The following DGCR8 variants were observed in gnomAD, a reference collection of about 807,000 sequenced individuals.
DGCR8 encodes the protein microprocessor complex subunit DGCR8.
In DGCR8, 14 loss-of-function variants were observed where a neutral mutation model predicts 78.5. The ratio of observed to expected loss-of-function variants is 0.18; its 90% CI spans 0.12 to 0.28. DGCR8 has a LOEUF of 0.28. Ranked by LOEUF, DGCR8 falls within the 10% of genes least tolerant of loss-of-function variation. DGCR8 has a pLI of 1.00. For synonymous variants in DGCR8, 399 were observed against 402.4 expected, an observed-to-expected ratio of 0.99 and a Z score of 0.10; for missense variants, 702 against 1,022.5, an observed-to-expected ratio of 0.69 and a Z score of 4.28.
chr22:20,098,880 G>T (rs2049662229), intron 9 of DGCR8, among the ~76,000 whole-genome samples: 2 of 152,196 alleles, frequency 1.3e-5, no homozygotes, highest in African/African-American at 2.4e-5. Flanking sequence ...TCCAAATACT[G>T]TTGCATTCTG....
Position 20,089,598 on chromosome 22 carries a change from C to T in DGCR8, c.881-71C>T, listed in dbSNP as rs1347879617. Reference sequence around the variant, plus strand: ...TGCTAGTACCCAACAATTTCTTGTGCAGGAGGTGCTGTGGCAACAATTCCA... The same window carrying T: ...TGCTAGTACCCAACAATTTCTTGTGTAGGAGGTGCTGTGGCAACAATTCCA... On this transcript the variant is annotated intron_variant, in intron 3 of 13. Coordinates refer to ENST00000351989, the MANE Select transcript of DGCR8 (RefSeq NM_022720.7). This position sits in a 1 kb window ranked among gnomAD's most constrained non-coding sequence, Gnocchi z 4.9. The T allele has an allele frequency of 1.9e-6, 3 of 1,543,280 alleles. No homozygotes were observed. The highest frequency in any genetic ancestry group is 2.7e-5 in the African/African-American group (2 of 73,388).
chr22:20,092,723 GC>G, intron 7 of DGCR8, 85 bp from the exon 8 acceptor site: 1 of 1,177,020 alleles, frequency 8.5e-7, no homozygotes, highest in Non-Finnish European at 1.2e-6. Flanking sequence ...CCCTGACTGC[GC>G]CTTGTCTGTC....
chr22:20,110,531 T>A lies in DGCR8; in HGVS notation c.*423T>A, dbSNP rs1346380267. ...CCTGTGGCTGGCCCGTGATGCCAGG[T>A]GGCCCATGTGCCCAGGGCGCCTGCA... On this transcript the variant is annotated 3_prime_UTR_variant, in exon 14 of 14. Coordinates refer to ENST00000351989, the MANE Select transcript of DGCR8 (RefSeq NM_022720.7). 5 of 165,490 alleles carry A rather than the reference T, an allele frequency of 3.0e-5. No individual in the cohort carries two copies. Among genetic ancestry groups the A allele is most frequent in the Non-Finnish European group, 6.5e-5 (5 of 76,990 alleles). 10.3% of individuals were successfully genotyped at this position (165,490 alleles called of 1,614,324 possible).
At chr22:20,090,388 G>T (rs2049541356) in intron 5 of DGCR8, 130 bp downstream of exon 5, 5 of 1,120,198 alleles carry the variant, frequency 4.5e-6, no homozygotes, top group Admixed American at 5.8e-5. Context: ...CTCCACTGTT[G>T]GTGTGGCTGA....
intron 9 of DGCR8, chr22:20,101,675 G>T: frequency 1.0e-6 from 1 of 985,398 alleles, no homozygotes; most frequent in Non-Finnish European, 1.2e-6. Context: ...GGTGGTGGGG[G>T]TGTTTAGACA....
chr22:20,097,731 A>G (rs1428662448), intron 9 of DGCR8, among the ~76,000 whole-genome samples: 1 of 151,732 alleles, frequency 6.6e-6, no homozygotes, highest in East Asian at 1.9e-4. Flanking sequence ...TCTGCTGGTA[A>G]ACCCCTCTAG....
Position 20,106,170 on chromosome 22 carries a change from G to C in DGCR8, c.1789-7G>C, listed in dbSNP as rs1162408819. ...GGGGACTCACAAGCCTCTGCTTTGT[G>C]TTGTAGTATTTTAACCACATCAGCA... On this transcript the variant is annotated splice_polypyrimidine_tract_variant and splice_region_variant and intron_variant, in intron 9 of 13. Coordinates refer to ENST00000351989, the MANE Select transcript of DGCR8 (RefSeq NM_022720.7). 1 of 1,613,650 alleles carries C rather than the reference G, an allele frequency of 6.2e-7. No individual in the cohort carries two copies. Among genetic ancestry groups the C allele is most frequent in the South Asian group, 1.1e-5 (1 of 91,080 alleles).
Position 20,080,313 on chromosome 22 carries a change from C to A in DGCR8, c.-348C>A, listed in dbSNP as rs1051075256. 81 of 980,832 alleles carry A rather than the reference C, an allele frequency of 8.3e-5. No homozygotes were observed. The highest frequency in any genetic ancestry group is 9.4e-5 in the Non-Finnish European group (78 of 828,188). 60.8% of individuals were successfully genotyped at this position (980,832 alleles called of 1,614,324 possible). On this transcript the variant is annotated 5_prime_UTR_variant, in exon 1 of 14. Transcript: ENST00000351989. ...GGACAGGCTTTCCAGATGGCTGCGGCGGTCGGTCGGTGAGGCTTTCCCGGC... is the reference window on the plus strand; with the variant it reads ...GGACAGGCTTTCCAGATGGCTGCGGAGGTCGGTCGGTGAGGCTTTCCCGGC...
chr22:20,085,922 G>A lies in DGCR8; in HGVS notation c.-42G>A, dbSNP rs2049475979. ...GCTGTGTAGATTTATGTGAGGGCTT[G>A]TAAAACTCTGGTCTTGTAAACTAGT... On this transcript the variant is annotated 5_prime_UTR_variant, in exon 2 of 14. Coordinates refer to ENST00000351989, the MANE Select transcript of DGCR8 (RefSeq NM_022720.7). The surrounding 1 kb of genome is among the most constrained non-coding windows in gnomAD (Gnocchi z 6.2). The A allele has an allele frequency of 6.6e-7, 1 of 1,513,728 alleles. No individual in the cohort carries two copies. Among genetic ancestry groups the A allele is most frequent in the Non-Finnish European group, 8.8e-7 (1 of 1,137,870 alleles). 93.8% of individuals were successfully genotyped at this position (1,513,728 alleles called of 1,614,324 possible). A position where few individuals can be genotyped will look rare whatever the true frequency, so the allele number is the denominator to read the frequency against.
At chr22:20,102,295 C>T (rs548994292) in intron 9 of DGCR8, among the ~76,000 whole-genome samples, 4 of 152,276 alleles carry the variant, frequency 2.6e-5, no homozygotes, top group Admixed American at 6.5e-5. Context: ...TTTGCCAGAT[C>T]CTGAATGTCC....
chr22:20,091,839 C>A lies in DGCR8; in HGVS notation c.1505-30C>A, dbSNP rs1180829196. The A allele has an allele frequency of 1.9e-6, 3 of 1,604,324 alleles. No homozygotes were observed. In the African/African-American group the frequency reaches 4.0e-5, roughly 21 times the overall value. On this transcript the variant is annotated intron_variant, in intron 6 of 13. Coordinates refer to ENST00000351989, the MANE Select transcript of DGCR8 (RefSeq NM_022720.7). Reference sequence around the variant, plus strand: ...TGTGCTAGCTTGTGGCACTGCTTCACACTTGCTGAGATGGTTCTTTTTGTC... The same window carrying A: ...TGTGCTAGCTTGTGGCACTGCTTCAAACTTGCTGAGATGGTTCTTTTTGTC...
intron 1 of DGCR8, among the ~76,000 whole-genome samples, chr22:20,081,723 T>C (rs2049420268): frequency 6.6e-6 from 1 of 152,326 alleles, no homozygotes; most frequent in Non-Finnish European, 1.5e-5. Context: ...GCCTGGTGTT[T>C]CTGGCCACCT....
intron 9 of DGCR8, among the ~76,000 whole-genome samples, chr22:20,105,783 C>G (rs1460087331): frequency 6.6e-6 from 1 of 152,222 alleles, no homozygotes; most frequent in Non-Finnish European, 1.5e-5. Context: ...CTTTCCCTCT[C>G]CTGTAGTCTC....
chr22:20,107,488 G>A (rs1192543951), intron 12 of DGCR8, 90 bp downstream of exon 12: 9 of 1,512,316 alleles, frequency 6.0e-6, no homozygotes. Flanking sequence ...GGCAGAGCTG[G>A]GCAGCTCTGC....
chr22:20,096,414 C>A, intron 9 of DGCR8: 1 of 984,080 alleles, frequency 1.0e-6, no homozygotes, highest in Non-Finnish European at 1.2e-6. Context: ...CAAGGGTCAG[C>A]CATGTGAAGA....
rs1318601566 is a variant in DGCR8, at chr22:20,087,027, A to T, written c.721-135A>T. The T allele has an allele frequency of 1.7e-6, 2 of 1,171,246 alleles. No individual in the cohort carries two copies. The highest frequency in any genetic ancestry group is 2.4e-6 in the Non-Finnish European group (2 of 832,674). The allele number at this position is 1,171,246 out of a possible 1,614,324, so 72.6% of individuals were successfully genotyped here. A position where few individuals can be genotyped will look rare whatever the true frequency, so the allele number is the denominator to read the frequency against. The stretch of plus-strand genomic sequence containing the variant: ...CATCCTGTTTGTTTTTCAGATGATC[A>T]TGCACCCTAAGGGCACATCTAGGCC... On this transcript the variant is annotated intron_variant, in intron 2 of 13. Coordinates refer to ENST00000351989, the MANE Select transcript of DGCR8 (RefSeq NM_022720.7). The surrounding 1 kb of genome is among the most constrained non-coding windows in gnomAD (Gnocchi z 4.1).
chr22:20,100,345 G>A lies in DGCR8; in HGVS notation c.1788+5550G>A. On this transcript the variant is annotated intron_variant, in intron 9 of 13. Coordinates refer to ENST00000351989, the MANE Select transcript of DGCR8 (RefSeq NM_022720.7). Reference sequence around the variant, plus strand: ...CTCCCAAAGTGCTGGGATTATAGGCGTGAGCCACTGCACCTGGCCACATTT... The same window carrying A: ...CTCCCAAAGTGCTGGGATTATAGGCATGAGCCACTGCACCTGGCCACATTT... The A allele has an allele frequency of 6.1e-6, 6 of 985,258 alleles. No individual in the cohort carries two copies. The South Asian group carries it at 1.9e-4, about 31-fold the overall frequency. 61.0% of individuals were successfully genotyped at this position (985,258 alleles called of 1,614,324 possible).
At position 20,089,933 on chromosome 22, in the gene DGCR8, C is replaced by T. The variant is rs149770295; in HGVS notation, c.1024-43C>T. On this transcript the variant is annotated intron_variant, in intron 4 of 13. Coordinates refer to ENST00000351989, the MANE Select transcript of DGCR8 (RefSeq NM_022720.7). This position sits in a 1 kb window ranked among gnomAD's most constrained non-coding sequence, Gnocchi z 4.9. ...GAAAGGCATCAGAGTTTCAGACTCT[C>T]GGGTTGTCCTTGTAATCCATATTGC... The T allele has an allele frequency of 8.0e-4, 1,273 of 1,589,156 alleles. 5 individuals carry two copies. The African/African-American group carries it at 0.011, about 13-fold the overall frequency.
At chr22:20,100,312 G>A (rs761192200) in intron 9 of DGCR8, 10 of 966,376 alleles carry the variant, frequency 1.0e-5, no homozygotes, top group Admixed American at 6.2e-5. Flanking sequence ...TGATCCGTCC[G>A]TCTTGGCCTC....
Sources: allele counts gnomAD v4.1 joint callset (sites outside exome capture counted in the v4.1 genomes callset), GRCh38; gene constraint gnomAD v4.1.1; non-coding constraint Gnocchi (gnomAD v3.1); transcripts MANE v1.5; gene names NCBI Gene and HGNC (gene_info 2026-07-23, HGNC 2026-07-21).